The following SVEP1 variants were observed in gnomAD, a reference collection of about 807,000 sequenced individuals.
The protein encoded by SVEP1 is sushi, von Willebrand factor type A, EGF and pentraxin domain-containing protein 1.
In SVEP1, 164 loss-of-function variants were observed where a neutral mutation model predicts 367.3. The ratio of observed to expected loss-of-function variants is 0.45; its 90% CI spans 0.39 to 0.51. SVEP1 has a LOEUF of 0.51. SVEP1 is among the 20% of genes least tolerant of loss of function. The pLI, the probability that SVEP1 is intolerant of heterozygous loss-of-function variation, is 0.00. For missense variants in SVEP1, 4,117 were observed against 4,425.3 expected, an observed-to-expected ratio of 0.93 and a Z score of 1.98; for synonymous variants, 1,666 against 1,611.6, an observed-to-expected ratio of 1.03 and a Z score of -0.81.
Position 110,406,605 on chromosome 9 carries a change from A to G in SVEP1, c.8995T>C (p.Ser2999Pro). 6.2e-7 allele frequency: 1 copy of G among 1,613,910 alleles called. No individual in the cohort carries two copies. The highest frequency in any genetic ancestry group is 8.5e-7 in the Non-Finnish European group (1 of 1,179,866). The stretch of plus-strand genomic sequence containing the variant: ...CATCTGCAAGGCAGGCAGGAAGGTG[A>G]GCTGCCACTCCAGGAGCCATTGGAG... Reference protein sequence around the residue: ...CLSNGSWSGSSPSCLPCRCST... With the variant: ...CLSNGSWSGSPPSCLPCRCST... Residue 2999 changes from serine to proline, a missense_variant, in exon 38 of 48, where the codon TCA becomes CCA. By Grantham distance (74) the Ser-to-Pro change is moderately conservative (BLOSUM62 -1). Transcript: ENST00000374469.
At chr9:110,467,031 T>C (rs1167883117) in intron 17 of SVEP1, among the ~76,000 whole-genome samples, 2 of 152,164 alleles carry the variant, frequency 1.3e-5, no homozygotes, top group East Asian at 3.9e-4. Context: ...TCACCATTGC[T>C]AACATGTTTA....
At chr9:110,433,495 G>A (rs548106502) in intron 30 of SVEP1, among the ~76,000 whole-genome samples, 13 of 135,124 alleles carry the variant, frequency 9.6e-5, no homozygotes, top group Non-Finnish European at 1.7e-4. Flanking sequence ...TTAAGATAGG[G>A]TCTAGTTCTG....
At chr9:110,532,424 A>C (rs1290518817) in intron 3 of SVEP1, among the ~76,000 whole-genome samples, 1 of 152,090 alleles carries the variant, frequency 6.6e-6, no homozygotes, top group African/African-American at 2.4e-5. Flanking sequence ...ACTAGTAAGA[A>C]ATGAACGGAC....
At chr9:110,529,872 T>C (rs77145016) in intron 3 of SVEP1, among the ~76,000 whole-genome samples, 14,549 of 152,160 alleles carry the variant, frequency 0.096, 928 homozygotes, top group Non-Finnish European at 0.14. Flanking sequence ...TTCTGATGGT[T>C]CTGGCGAGGA....
intron 11 of SVEP1, among the ~76,000 whole-genome samples, 199 bp from the exon 12 acceptor site, chr9:110,481,635 T>C (rs142846558): frequency 2.8e-3 from 424 of 152,282 alleles, no homozygotes; most frequent in Non-Finnish European, 4.9e-3. Flanking sequence ...TGAAAAGCTG[T>C]ACCTACGTGT....
At chr9:110,468,505 G>A (rs1471546049) in intron 17 of SVEP1, among the ~76,000 whole-genome samples, 1 of 152,168 alleles carries the variant, frequency 6.6e-6, no homozygotes, top group Non-Finnish European at 1.5e-5. Flanking sequence ...ATAAAACCTA[G>A]AAATAATTCT....
intron 41 of SVEP1, among the ~76,000 whole-genome samples, chr9:110,389,145 C>G (rs34065949): frequency 0.12 from 18,203 of 151,926 alleles, 1,181 homozygotes; most frequent in African/African-American, 0.13. Context: ...ACAGATGGAC[C>G]AACAGCACGT....
At chr9:110,437,375 C>T (rs1282630543) in intron 27 of SVEP1, among the ~76,000 whole-genome samples, 2 of 152,182 alleles carry the variant, frequency 1.3e-5, no homozygotes, top group African/African-American at 4.8e-5. Flanking sequence ...TCTGTTGTTG[C>T]TAGTCATATG....
chr9:110,375,165 G>A lies in SVEP1; in HGVS notation c.10600+203C>T, dbSNP rs116806692. Among the ~76,000 whole-genome samples the A allele has an allele frequency of 5.6e-4, 85 of 151,972 alleles. 1 individual carries two copies. Among genetic ancestry groups the A allele is most frequent in the African/African-American group, 1.8e-3 (76 of 41,464 alleles). On this transcript the variant is annotated intron_variant, in intron 46 of 47. Transcript: ENST00000374469. ...TGAGTAGACTTAGATGCTATTCTTC[G>A]GCACATGACCTGGAAACGTGTTTAG... is the stretch of plus-strand genomic sequence containing the variant.
chr9:110,519,826 G>A (rs956475108), intron 3 of SVEP1, among the ~76,000 whole-genome samples: 2 of 152,104 alleles, frequency 1.3e-5, no homozygotes, highest in Non-Finnish European at 2.9e-5. Flanking sequence ...TTGCAATCTT[G>A]GCTCTTCCAC....
intron 22 of SVEP1, among the ~76,000 whole-genome samples, chr9:110,451,942 C>T (rs1287732939): frequency 1.3e-5 from 2 of 152,124 alleles, no homozygotes; most frequent in African/African-American, 2.4e-5. Context: ...CATCTAGAAA[C>T]AGATCCAAAG....
intron 40 of SVEP1, among the ~76,000 whole-genome samples, chr9:110,395,887 C>T (rs1035989787): frequency 1.4e-4 from 21 of 151,976 alleles, no homozygotes; most frequent in African/African-American, 5.1e-4. Flanking sequence ...GACTTAGACT[C>T]CCACACAATA....
intron 41 of SVEP1, among the ~76,000 whole-genome samples, chr9:110,388,770 A>G (rs1345048819): frequency 6.6e-6 from 1 of 151,884 alleles, no homozygotes; most frequent in Non-Finnish European, 1.5e-5. Flanking sequence ...GGAGTTCGAG[A>G]CCAGCCAGGC....
chr9:110,564,014 G>A (rs898070818), intron 1 of SVEP1, among the ~76,000 whole-genome samples: 4 of 152,184 alleles, frequency 2.6e-5, no homozygotes, highest in Admixed American at 1.3e-4. Flanking sequence ...AATCCAAACA[G>A]AAAGGGACAA....
intron 22 of SVEP1, 31 bp downstream of exon 22, chr9:110,455,559 T>C: frequency 6.6e-7 from 1 of 1,513,892 alleles, no homozygotes; most frequent in Non-Finnish European, 9.1e-7. Context: ...CAAAGATTTA[T>C]ATTGTTGAAA....
rs10593866 is a variant in SVEP1, at chr9:110,438,177, A to ATTTTT, written c.4640-1678_4640-1674dup. ...TTTCATGAGTTTTAGTAGTTATGCT[A>ATTTTT]TTTTTTTTTTTTTTTTTTTTTTTTT... On this transcript the variant is annotated intron_variant, in intron 27 of 47. Transcript: ENST00000374469. Among the ~76,000 whole-genome samples the ATTTTT allele has an allele frequency of 5.7e-4, 43 of 75,540 alleles. 1 individual carries two copies. The highest frequency in any genetic ancestry group is 7.3e-4 in the Non-Finnish European group (30 of 41,226). The allele number at this position is 75,540 out of a possible 152,430, so 49.6% of individuals were successfully genotyped here.
At chr9:110,381,711 T>G (rs1235238442) in intron 43 of SVEP1, among the ~76,000 whole-genome samples, 2 of 152,218 alleles carry the variant, frequency 1.3e-5, no homozygotes, top group Non-Finnish European at 2.9e-5. Flanking sequence ...TCAAGACCAC[T>G]TGATCTAGAG....
intron 1 of SVEP1, among the ~76,000 whole-genome samples, chr9:110,577,030 C>T (rs10980459): frequency 0.069 from 10,524 of 151,938 alleles, 402 homozygotes; most frequent in East Asian, 0.09. Context: ...TAAGGTCTTA[C>T]ACTTTTGAAA....
At chr9:110,524,034 C>A (rs1829910948) in intron 3 of SVEP1, among the ~76,000 whole-genome samples, 1 of 152,034 alleles carries the variant, frequency 6.6e-6, no homozygotes, top group East Asian at 1.9e-4. Context: ...CACAGCTCTA[C>A]TTACATATCT....
Sources: allele counts gnomAD v4.1 joint callset (sites outside exome capture counted in the v4.1 genomes callset), GRCh38; gene constraint gnomAD v4.1.1; transcripts MANE v1.5; gene names NCBI Gene and HGNC (gene_info 2026-07-23, HGNC 2026-07-21).